ADAMTSL3: variants seen among roughly 807,000 people sequenced by gnomAD.
ADAMTSL3 encodes the protein ADAMTS-like protein 3.
In ADAMTSL3, 128 loss-of-function variants were observed where a neutral mutation model predicts 201.7. That is an observed-to-expected ratio of 0.63 (90% CI 0.55 to 0.73). The LOEUF (loss-of-function observed/expected upper bound fraction) is 0.73. Among genes scored for constraint, ADAMTSL3 ranks in the 30% least tolerant of loss-of-function variants. The pLI is 0.00. For synonymous variants in ADAMTSL3, 738 were observed against 748.4 expected (o/e 0.99, Z 0.23); for missense variants, 1,990 against 2,119.6 (o/e 0.94, Z 1.20).
intron 4 of ADAMTSL3, among the ~76,000 whole-genome samples, chr15:83,794,173 A>T (rs1270846622): frequency 6.6e-6 from 1 of 152,238 alleles, no homozygotes; most frequent in Non-Finnish European, 1.5e-5. Context: ...ACTGGCAAGG[A>T]TGCAGAGGAA....
chr15:83,959,263 T>TA (rs2066913916), intron 19 of ADAMTSL3, among the ~76,000 whole-genome samples: 1 of 152,052 alleles, frequency 6.6e-6, no homozygotes, highest in African/African-American at 2.4e-5. Flanking sequence ...CTGTCTGTAC[T>TA]AAAAAATATA....
intron 2 of ADAMTSL3, among the ~76,000 whole-genome samples, chr15:83,699,391 C>A (rs1353743198): frequency 6.6e-6 from 1 of 152,100 alleles, no homozygotes; most frequent in African/African-American, 2.4e-5. Context: ...CCCTTGATTC[C>A]TCCCTTTTCC....
chr15:83,923,471 G>C (rs1047409316), intron 16 of ADAMTSL3, among the ~76,000 whole-genome samples: 3 of 152,150 alleles, frequency 2.0e-5, no homozygotes, highest in Non-Finnish European at 2.9e-5. Flanking sequence ...CATATGCAGT[G>C]ATATAGAGAA....
At chr15:83,691,501 T>A (rs1172556971) in intron 2 of ADAMTSL3, among the ~76,000 whole-genome samples, 1 of 152,206 alleles carries the variant, frequency 6.6e-6, no homozygotes, top group East Asian at 1.9e-4. Context: ...ACCAATATAT[T>A]ATAACAGATG....
chr15:83,972,332 GT>G (rs2067212356), intron 20 of ADAMTSL3, among the ~76,000 whole-genome samples: 1 of 152,186 alleles, frequency 6.6e-6, no homozygotes, highest in Non-Finnish European at 1.5e-5. Context: ...ATTCCAAGTT[GT>G]AAAGTCTCCT....
At chr15:83,792,582 G>A (rs930612948) in intron 4 of ADAMTSL3, among the ~76,000 whole-genome samples, 1 of 152,150 alleles carries the variant, frequency 6.6e-6, no homozygotes, top group Admixed American at 6.5e-5. Flanking sequence ...TCAGGAGTTA[G>A]AGACCAGCCT....
chr15:83,718,549 CA>C (rs149971845), intron 3 of ADAMTSL3, among the ~76,000 whole-genome samples: 13,519 of 151,850 alleles, frequency 0.089, 781 homozygotes, highest in East Asian at 0.28. Context: ...ACTAAAAATA[CA>C]AAAATTAGCC....
intron 2 of ADAMTSL3, among the ~76,000 whole-genome samples, chr15:83,672,643 G>A (rs2061342641): frequency 6.6e-6 from 1 of 152,198 alleles, no homozygotes; most frequent in Non-Finnish European, 1.5e-5. Context: ...TGTGGGATGG[G>A]CAGATGAAAC....
intron 3 of ADAMTSL3, among the ~76,000 whole-genome samples, chr15:83,742,744 G>C (rs905577013): frequency 1.3e-5 from 2 of 152,184 alleles, no homozygotes; most frequent in African/African-American, 4.8e-5. Flanking sequence ...TTCTGTTTCA[G>C]AAATTTTGAC....
intron 2 of ADAMTSL3, among the ~76,000 whole-genome samples, chr15:83,674,938 G>A (rs2061382596): frequency 1.3e-5 from 2 of 151,320 alleles, no homozygotes; most frequent in African/African-American, 4.8e-5. Flanking sequence ...CTATCATAAT[G>A]TTTTGTAAAA....
intron 3 of ADAMTSL3, among the ~76,000 whole-genome samples, chr15:83,734,895 T>C (rs1049818906): frequency 1.3e-5 from 2 of 152,056 alleles, no homozygotes; most frequent in African/African-American, 4.8e-5. Context: ...ATGTTTGATA[T>C]GGCATCTTGA....
At chr15:83,937,457 T>C (rs7182462) in intron 17 of ADAMTSL3, among the ~76,000 whole-genome samples, 54,203 of 150,018 alleles carry the variant, frequency 0.36, 11,697 homozygotes, top group African/African-American at 0.52. Context: ...AAGCTAAATA[T>C]TGAGAATACA....
At chr15:84,002,532 A>G (rs1479971383) in intron 23 of ADAMTSL3, among the ~76,000 whole-genome samples, 1 of 152,184 alleles carries the variant, frequency 6.6e-6, no homozygotes, top group African/African-American at 2.4e-5. Context: ...GTAGTTCCAC[A>G]TTGTGTGCCC....
At chr15:83,759,522 G>C (rs942612194) in intron 3 of ADAMTSL3, among the ~76,000 whole-genome samples, 1 of 152,198 alleles carries the variant, frequency 6.6e-6, no homozygotes, top group African/African-American at 2.4e-5. Flanking sequence ...ACTGGGCCTG[G>C]CCAGCAGTAT....
At chr15:83,809,504 T>C (rs2063658172) in intron 5 of ADAMTSL3, among the ~76,000 whole-genome samples, 1 of 152,208 alleles carries the variant, frequency 6.6e-6, no homozygotes, top group Non-Finnish European at 1.5e-5. Flanking sequence ...CCCTGCCTCT[T>C]TGCAGACAGC....
In ADAMTSL3 at chr15:84,037,895, T is replaced by C; in HGVS notation, c.*89T>C. 3 of 1,488,718 alleles carry C rather than the reference T, an allele frequency of 2.0e-6. No homozygotes were observed. The highest frequency in any genetic ancestry group is 2.7e-6 in the Non-Finnish European group (3 of 1,120,684). 92.2% of individuals were successfully genotyped at this position (1,488,718 alleles called of 1,614,324 possible). On this transcript the variant is annotated 3_prime_UTR_variant, in exon 30 of 30. Transcript: ENST00000286744. ...ATGTCGCTGATTCAAAAACATGTAT[T>C]TCTTAAAAGACTAGATTCTATGGAT...
At chr15:83,903,215 A>G (rs943557381) in intron 15 of ADAMTSL3, among the ~76,000 whole-genome samples, 1 of 138,468 alleles carries the variant, frequency 7.2e-6, no homozygotes, top group Non-Finnish European at 1.5e-5. Context: ...CATCACCAAC[A>G]TTTTCTTTTT....
At chr15:83,876,625 T>G (rs1313467509) in intron 9 of ADAMTSL3, among the ~76,000 whole-genome samples, 9 of 152,034 alleles carry the variant, frequency 5.9e-5, no homozygotes, top group Admixed American at 4.6e-4. Context: ...TGTTTGTGGG[T>G]TTTTGTTTTG....
In ADAMTSL3 at chr15:83,856,004, C is replaced by G. The variant is rs894885685; in HGVS notation, c.728-2762C>G. Among the ~76,000 whole-genome samples, 3 of 151,896 alleles carry G rather than the reference C, an allele frequency of 2.0e-5. No individual in the cohort carries two copies. The South Asian group carries it at 6.2e-4, about 32-fold the overall frequency. On this transcript the variant is annotated intron_variant, in intron 7 of 29. Coordinates refer to ENST00000286744, the MANE Select transcript of ADAMTSL3 (RefSeq NM_207517.3). Reference sequence around the variant, plus strand: ...CCAGCCTGGGTGACAGAGTGAGACCCTGTCTCAAAAAACAAAAACAAAACA... The same window carrying G: ...CCAGCCTGGGTGACAGAGTGAGACCGTGTCTCAAAAAACAAAAACAAAACA...
Sources: gnomAD v4.1 joint callset for allele counts (sites outside exome capture counted in the v4.1 genomes callset) on GRCh38, gnomAD v4.1.1 for gene constraint, MANE v1.5 for transcripts, NCBI Gene and HGNC (gene_info 2026-07-23, HGNC 2026-07-21) for gene names.